KIAA0586: variants seen among roughly 807,000 people sequenced by gnomAD.
KIAA0586 encodes KIAA0586.
In KIAA0586, 144 loss-of-function variants were observed where a neutral mutation model predicts 169.8. The ratio of observed to expected loss-of-function variants is 0.85; its 90% confidence interval spans 0.74 to 0.97. KIAA0586 has a LOEUF of 0.97. Ranked by LOEUF, KIAA0586 falls within the 50% of genes least tolerant of loss-of-function variation. KIAA0586 has a pLI of 0.00. For synonymous variants in KIAA0586, 625 were observed against 612.4 expected, an observed-to-expected ratio of 1.02 and a Z score of -0.30; for missense variants, 1,854 against 1,823.0, an observed-to-expected ratio of 1.02 and a Z score of -0.31.
At chr14:58,456,673 T>G (rs1451755636) in intron 9 of KIAA0586, 29 bp from the exon 10 acceptor site, 1 of 1,269,888 alleles carries the variant, frequency 7.9e-7, no homozygotes, top group Non-Finnish European at 1.1e-6. Context: ...AAAAATCTTC[T>G]GTAGCGTTGA....
intron 30 of KIAA0586, chr14:58,543,856 C>T (rs189811927): frequency 2.1e-4 from 96 of 451,138 alleles, no homozygotes; most frequent in African/African-American, 1.7e-3. Context: ...TGATTTTTAC[C>T]TCTTTTTTTT....
intron 14 of KIAA0586, among the ~76,000 whole-genome samples, chr14:58,462,693 T>C (rs1476708518): frequency 1.3e-5 from 2 of 152,226 alleles, no homozygotes; most frequent in Admixed American, 6.5e-5. Context: ...TAAGAGCCTG[T>C]ATTAGTTCAT....
chr14:58,552,660 A>T, downstream of KIAA0586, among the ~76,000 whole-genome samples: 1 of 152,238 alleles, frequency 6.6e-6, no homozygotes, highest in East Asian at 1.9e-4. Flanking sequence ...TTCACTAACG[A>T]GACTTCTGAA....
chr14:58,427,564 C>G, upstream of KIAA0586: 1 of 1,532,250 alleles, frequency 6.5e-7, no homozygotes, highest in African/African-American at 1.4e-5. Context: ...CCTGTTATGT[C>G]CGGAGTTTGT....
chr14:58,530,886 A>G (rs868470573), intron 29 of KIAA0586, among the ~76,000 whole-genome samples: 1 of 152,216 alleles, frequency 6.6e-6, no homozygotes, highest in South Asian at 2.1e-4. Flanking sequence ...AAAAGAAACT[A>G]TCATCAGATG....
intron 21 of KIAA0586, among the ~76,000 whole-genome samples, chr14:58,483,308 G>A (rs748348636): frequency 6.6e-6 from 1 of 152,062 alleles, no homozygotes; most frequent in African/African-American, 2.4e-5. Flanking sequence ...CATATTTATT[G>A]ATTGATAATA....
rs1427400858 is a variant in KIAA0586 at position 58,457,971 on chromosome 14, T to C, written c.1575T>C (p.Ser525=). The C allele has an allele frequency of 5.7e-6, 9 of 1,580,706 alleles. No individual in the cohort carries two copies. Among genetic ancestry groups the C allele is most frequent in the Middle Eastern group, 1.7e-4 (1 of 6,040 alleles). Residue 525 remains serine (S), a synonymous_variant, in exon 11 of 31, where the codon TCT becomes TCC. Transcript: ENST00000652326. ...AAMYSLINAL[S]TNREMSEKIR... is the part of the protein sequence containing the mutation. ...TGTATTCGCTTATCAATGCTTTATC[T>C]ACCAACAGGTAAGAGGATGTTGGCA...
intron 26 of KIAA0586, 30 bp downstream of exon 26, chr14:58,492,305 G>T (rs1397306961): frequency 5.3e-6 from 8 of 1,520,894 alleles, no homozygotes; most frequent in Non-Finnish European, 6.2e-6. Context: ...ACTTTTTTTT[G>T]GTTAGATCTA....
At position 58,550,391 on chromosome 14, in the gene KIAA0586, G is replaced by A. The variant is rs989074279; in HGVS notation, c.*2459G>A. 1.3e-5 allele frequency: 2 copies of A among 152,204 alleles called. 1 individual carries two copies. Among genetic ancestry groups the A allele is most frequent in the Admixed American group, 1.3e-4 (2 of 15,272 alleles). The allele number at this position is 152,204 out of a possible 1,614,324, so 9.4% of individuals were successfully genotyped here. The stretch of plus-strand genomic sequence containing the variant: ...ACCACTTCAGATTCTTTTGGAATAA[G>A]ACGATGTACGTAAAAACAAACTAAA... On this transcript the variant is annotated 3_prime_UTR_variant, in exon 31 of 31. Coordinates refer to ENST00000652326, the MANE Select transcript of KIAA0586 (RefSeq NM_001329943.3).
chr14:58,443,509 G>A (rs1426767113), intron 5 of KIAA0586, among the ~76,000 whole-genome samples: 3 of 152,254 alleles, frequency 2.0e-5, no homozygotes, highest in East Asian at 1.9e-4. Flanking sequence ...TGCAACCTCC[G>A]CCTCCTGGGT....
At chr14:58,430,862 C>T in intron 3 of KIAA0586, 145 bp downstream of exon 3, 1 of 569,214 alleles carries the variant, frequency 1.8e-6, no homozygotes, top group South Asian at 2.5e-5. Flanking sequence ...AGAGCTTTGT[C>T]ATCTCTCCCA....
intron 6 of KIAA0586, among the ~76,000 whole-genome samples, chr14:58,447,785 T>A (rs1294417903): frequency 6.6e-6 from 1 of 152,168 alleles, no homozygotes; most frequent in Non-Finnish European, 1.5e-5. Flanking sequence ...CGGGCCCCAT[T>A]TCAGGTATTT....
At chr14:58,523,272 T>C (rs148406323) in intron 29 of KIAA0586, among the ~76,000 whole-genome samples, 220 of 152,262 alleles carry the variant, frequency 1.4e-3, no homozygotes, top group African/African-American at 5.2e-3. Context: ...TTGATTTCCT[T>C]TTTGTGGAAT....
intron 4 of KIAA0586, among the ~76,000 whole-genome samples, chr14:58,437,924 T>G (rs1220275370): frequency 2.2e-4 from 33 of 152,128 alleles, no homozygotes; most frequent in Admixed American, 2.2e-3. Context: ...GAAAGCAAGC[T>G]AGCTTCTAAA....
chr14:58,502,457 C>T (rs2043637926), intron 27 of KIAA0586, among the ~76,000 whole-genome samples: 1 of 152,124 alleles, frequency 6.6e-6, no homozygotes, highest in South Asian at 2.1e-4. Flanking sequence ...TCTTTTATAA[C>T]CTAATCTCCA....
chr14:58,553,948 A>G (rs2348361), downstream of KIAA0586, among the ~76,000 whole-genome samples: 39,685 of 151,978 alleles, frequency 0.26, 5,354 homozygotes, highest in East Asian at 0.37. Flanking sequence ...GCTCCACATG[A>G]TGTTGTCTGA....
At chr14:58,446,857 T>C (rs1226323930) in intron 6 of KIAA0586, among the ~76,000 whole-genome samples, 1 of 152,114 alleles carries the variant, frequency 6.6e-6, no homozygotes, top group Non-Finnish European at 1.5e-5. Context: ...AAACTATTAG[T>C]TTATAGATAA....
In KIAA0586 at chr14:58,457,969, T is replaced by G; in HGVS notation, c.1573T>G (p.Ser525Ala). 1 of 1,585,674 alleles carries G rather than the reference T, an allele frequency of 6.3e-7. No homozygotes were observed. Among genetic ancestry groups the G allele is most frequent in the Non-Finnish European group, 8.6e-7 (1 of 1,163,958 alleles). Residue 525 changes from serine to alanine, a missense_variant, in exon 11 of 31, where the codon TCT becomes GCT. Transcript: ENST00000652326. ...CATGTATTCGCTTATCAATGCTTTATCTACCAACAGGTAAGAGGATGTTGG... is the reference window on the plus strand; with the variant it reads ...CATGTATTCGCTTATCAATGCTTTAGCTACCAACAGGTAAGAGGATGTTGG... ...AAMYSLINAL[S>A]TNREMSEKIR...
At chr14:58,557,066 G>A in the KIAA0586 span, among the ~76,000 whole-genome samples, 1 of 152,192 alleles carries the variant, frequency 6.6e-6, no homozygotes, top group African/African-American at 2.4e-5. Flanking sequence ...TTTTATGGCT[G>A]TGTGGCATTC....
Sources: allele counts gnomAD v4.1 joint callset (sites outside exome capture counted in the v4.1 genomes callset), GRCh38; gene constraint gnomAD v4.1.1; transcripts MANE v1.5; gene names NCBI Gene and HGNC (gene_info 2026-07-23, HGNC 2026-07-21).